The following NCOA2 variants were observed in gnomAD, a reference collection of about 807,000 sequenced individuals.
NCOA2 encodes class E basic helix-loop-helix protein 75.
In NCOA2, 21 loss-of-function variants were observed where a neutral mutation model predicts 145.1. The observed-to-expected ratio is 0.14, with a 90% CI of 0.10 to 0.21. NCOA2 has a LOEUF of 0.21. Among genes scored for constraint, NCOA2 ranks in the 10% least tolerant of loss-of-function variants. The pLI, the probability that NCOA2 is intolerant of heterozygous loss-of-function variation, is 1.00. For synonymous variants in NCOA2, 619 were observed against 637.5 expected (o/e 0.97, Z 0.44); for missense variants, 1,472 against 1,837.6 (o/e 0.80, Z 3.64).
intron 2 of NCOA2, among the ~76,000 whole-genome samples, chr8:70,259,350 T>A (rs1395950130): frequency 6.6e-6 from 1 of 152,226 alleles, no homozygotes; most frequent in Non-Finnish European, 1.5e-5. Flanking sequence ...TTACTGTCTA[T>A]GTACTTATTT....
chr8:70,432,278 T>C, the NCOA2 span, among the ~76,000 whole-genome samples: 6 of 152,328 alleles, frequency 3.9e-5, no homozygotes, highest in South Asian at 8.3e-4. Context: ...AAATGAAATA[T>C]TTCTATGATG....
At chr8:70,243,195 G>A (rs1822303000) in intron 2 of NCOA2, among the ~76,000 whole-genome samples, 1 of 151,228 alleles carries the variant, frequency 6.6e-6, no homozygotes, top group South Asian at 2.1e-4. Flanking sequence ...AACTACTCTA[G>A]CTGTAGAAGA....
At chr8:70,199,478 A>C (rs1019188749) in intron 4 of NCOA2, among the ~76,000 whole-genome samples, 22 of 147,768 alleles carry the variant, frequency 1.5e-4, no homozygotes, top group African/African-American at 5.4e-4. Flanking sequence ...AAAAGTAGAG[A>C]GGGATGGTCA....
chr8:70,150,233 G>A (rs1442102181), intron 11 of NCOA2, among the ~76,000 whole-genome samples: 1 of 152,152 alleles, frequency 6.6e-6, no homozygotes, highest in Admixed American at 6.5e-5. Context: ...TCTAATACAG[G>A]AGAGTCAGTT....
intron 2 of NCOA2, among the ~76,000 whole-genome samples, chr8:70,254,655 T>G (rs76419073): frequency 1.6e-5 from 2 of 125,046 alleles, no homozygotes; most frequent in Non-Finnish European, 3.1e-5. Context: ...AATCTTTAAG[T>G]AGCTACAGCA....
At chr8:70,267,428 C>G (rs1363467983) in intron 2 of NCOA2, among the ~76,000 whole-genome samples, 7 of 139,404 alleles carry the variant, frequency 5.0e-5, no homozygotes, top group Non-Finnish European at 1.1e-4. Context: ...GAGATAGGGC[C>G]TCGCTCTGTC....
chr8:70,336,309 C>T (rs1807582725), intron 1 of NCOA2, among the ~76,000 whole-genome samples: 1 of 152,148 alleles, frequency 6.6e-6, no homozygotes, highest in Non-Finnish European at 1.5e-5. Context: ...ACTGAAAAAT[C>T]ATTATGTGAC....
At chr8:70,435,424 CAAAAAAA>C in the NCOA2 span, among the ~76,000 whole-genome samples, 25 of 20,150 alleles carry the variant, frequency 1.2e-3, no homozygotes, top group African/African-American at 1.5e-3. Context: ...GACTCCGTCT[CAAAAAAA>C]AAAAAAAAAA....
intron 1 of NCOA2, among the ~76,000 whole-genome samples, chr8:70,369,984 C>T (rs1364868564): frequency 6.6e-6 from 1 of 151,954 alleles, no homozygotes; most frequent in Non-Finnish European, 1.5e-5. Context: ...CTTCTAGGCT[C>T]ATGCAATCCT....
At chr8:70,364,155 G>T (rs764425316) in intron 1 of NCOA2, among the ~76,000 whole-genome samples, 14 of 151,722 alleles carry the variant, frequency 9.2e-5, no homozygotes, top group Admixed American at 6.6e-5. Flanking sequence ...CAACCAGGAA[G>T]AATATGGAGA....
In NCOA2 at chr8:70,133,200, C is replaced by CTTTT. The variant is rs57813061; in HGVS notation, c.3159-1202_3159-1199dup. Among the ~76,000 whole-genome samples, 1,029 of 106,918 alleles carry CTTTT rather than the reference C, an allele frequency of 9.6e-3. 52 individuals carry two copies. The highest frequency in any genetic ancestry group is 0.038 in the African/African-American group (954 of 24,818). The allele number at this position is 106,918 out of a possible 152,430, so 70.1% of individuals were successfully genotyped here. A position where few individuals can be genotyped will look rare whatever the true frequency, so the allele number is the denominator to read the frequency against. ...TGTGTGCCACCACAACTGGCTGCTACTTTTTTTTTTTTTTTTTTTTGGTAA... is the reference window on the plus strand; with the variant it reads ...TGTGTGCCACCACAACTGGCTGCTACTTTTTTTTTTTTTTTTTTTTTTTTGGTAA... On this transcript the variant is annotated intron_variant, in intron 15 of 22. Transcript: ENST00000452400.
At chr8:70,433,272 A>G in the NCOA2 span, among the ~76,000 whole-genome samples, 7 of 152,144 alleles carry the variant, frequency 4.6e-5, no homozygotes, top group African/African-American at 1.4e-4. Flanking sequence ...GAGCATCTAT[A>G]GTACACAAGG....
At chr8:70,248,058 G>A (rs1822774936) in intron 2 of NCOA2, among the ~76,000 whole-genome samples, 1 of 152,194 alleles carries the variant, frequency 6.6e-6, no homozygotes. Context: ...CAAGGCAGTA[G>A]TGTTTACAAG....
At chr8:70,181,131 C>A (rs1390412372) in intron 4 of NCOA2, among the ~76,000 whole-genome samples, 1 of 152,184 alleles carries the variant, frequency 6.6e-6, no homozygotes, top group Non-Finnish European at 1.5e-5. Context: ...TTCAGAGAGT[C>A]TTTCCACAAA....
rs189041030 is a variant in NCOA2, at chr8:70,147,257, C to T, written c.2605+1016G>A. Among the ~76,000 whole-genome samples the T allele has an allele frequency of 1.5e-3, 232 of 152,198 alleles. 1 individual carries two copies. Among genetic ancestry groups the T allele is most frequent in the African/African-American group, 5.4e-3 (224 of 41,520 alleles). On this transcript the variant is annotated intron_variant, in intron 12 of 22. Transcript: ENST00000452400. ...AACCAATTCTCCTGCCTCGGCCTCC[C>T]GAGTAGCTGGAATTACAGGCACCCA...
At chr8:70,335,600 C>A (rs891364728) in intron 1 of NCOA2, among the ~76,000 whole-genome samples, 1 of 152,146 alleles carries the variant, frequency 6.6e-6, no homozygotes, top group Non-Finnish European at 1.5e-5. Context: ...TCATTCCTCC[C>A]GCACCCCTGC....
At position 70,358,990 on chromosome 8, in the gene NCOA2, T is replaced by G. The variant is rs576367651; in HGVS notation, c.-77+44710A>C. ...ACATGAAAGATGTCAACATCATTGG[T>G]CACTAGGGAAATTTAAATAAAAACT... On this transcript the variant is annotated intron_variant, in intron 1 of 22. Coordinates refer to ENST00000452400, the MANE Select transcript of NCOA2 (RefSeq NM_006540.4). Among the ~76,000 whole-genome samples, 20 of 152,306 alleles carry G rather than the reference T, an allele frequency of 1.3e-4. No homozygotes were observed. In the East Asian group the frequency reaches 3.7e-3, roughly 28 times the overall value.
chr8:70,220,489 C>T (rs539994874), intron 2 of NCOA2, among the ~76,000 whole-genome samples: 1 of 152,320 alleles, frequency 6.6e-6, no homozygotes, highest in African/African-American at 2.4e-5. Context: ...ACCATACATC[C>T]TCCCTTACAT....
chr8:70,392,871 A>G (rs573517936), intron 1 of NCOA2, among the ~76,000 whole-genome samples: 1 of 152,328 alleles, frequency 6.6e-6, no homozygotes, highest in South Asian at 2.1e-4. Flanking sequence ...TTAATTCTTT[A>G]TTGTTTCTGA....
Sources: allele counts gnomAD v4.1 joint callset (sites outside exome capture counted in the v4.1 genomes callset), GRCh38; gene constraint gnomAD v4.1.1; transcripts MANE v1.5; gene names NCBI Gene and HGNC (gene_info 2026-07-23, HGNC 2026-07-21).